Variants in TMEM62 observed in about 807,000 individuals in gnomAD.
TMEM62 encodes the protein transmembrane protein 62.
In TMEM62, 41 loss-of-function variants were observed where a neutral mutation model predicts 70.4. The observed-to-expected ratio is 0.58, with a 90% CI of 0.45 to 0.76. The LOEUF (loss-of-function observed/expected upper bound fraction) is 0.76, where lower values mean the gene tolerates loss of function less well. Among genes scored for constraint, TMEM62 ranks in the 30% least tolerant of loss-of-function variants. TMEM62 has a pLI of 0.00. For missense variants in TMEM62, 688 were observed against 788.5 expected (o/e 0.87, Z 1.53); for synonymous variants, 268 against 291.0 (o/e 0.92, Z 0.80).
chr15:43,149,024 G>C lies in TMEM62; in HGVS notation c.744-5G>C. 1 of 1,613,130 alleles carries C rather than the reference G, an allele frequency of 6.2e-7. No individual in the cohort carries two copies. On this transcript the variant is annotated splice_region_variant and splice_polypyrimidine_tract_variant and intron_variant, in intron 6 of 13. Coordinates refer to ENST00000260403, the MANE Select transcript of TMEM62 (RefSeq NM_024956.4). ...CATTTATTTCATTTATTTTTCATTG[G>C]TTAGTTCGGCTATAGCTTATTTGTG...
In TMEM62 at chr15:43,178,700, A is replaced by G. The variant is rs777271694; in HGVS notation, c.1475A>G (p.Tyr492Cys). ...FYYSVLLLTL[Y>C]TVLGPWFFGE... ...TATTCTGTGTTGTTGTTGACCCTGT[A>G]TACAGTGCTGGGTAAGTAAATTAGT... Residue 492 changes from tyrosine to cysteine, a missense_variant, in exon 12 of 14, where the codon TAT (tyrosine) becomes TGT (cysteine). Coordinates refer to ENST00000260403, the MANE Select transcript of TMEM62 (RefSeq NM_024956.4). 1.9e-6 allele frequency: 3 copies of G among 1,607,344 alleles called. No homozygotes were observed. Among genetic ancestry groups the G allele is most frequent in the Non-Finnish European group, 2.6e-6 (3 of 1,174,584 alleles).
At chr15:43,175,338 G>A (rs2040611476) in intron 11 of TMEM62, among the ~76,000 whole-genome samples, 1 of 152,146 alleles carries the variant, frequency 6.6e-6, no homozygotes, top group Non-Finnish European at 1.5e-5. Flanking sequence ...TGAATGTGCT[G>A]GTCTTTTAGC....
At chr15:43,161,741 A>G (rs898076385) in intron 10 of TMEM62, among the ~76,000 whole-genome samples, 1 of 151,986 alleles carries the variant, frequency 6.6e-6, no homozygotes, top group Non-Finnish European at 1.5e-5. Context: ...GCTCACTGCA[A>G]CCTCCACCTC....
At chr15:43,167,943 G>A (rs1050723027) in intron 10 of TMEM62, among the ~76,000 whole-genome samples, 14 of 152,104 alleles carry the variant, frequency 9.2e-5, no homozygotes, top group African/African-American at 3.1e-4. Flanking sequence ...CCAACACAGC[G>A]AAACCCCGTC....
chr15:43,153,819 G>A (rs75652495), intron 8 of TMEM62, among the ~76,000 whole-genome samples: 3,953 of 152,226 alleles, frequency 0.026, 163 homozygotes, highest in African/African-American at 0.088. Context: ...ACAGATAACG[G>A]TTCAAGTCCC....
intron 8 of TMEM62, among the ~76,000 whole-genome samples, chr15:43,153,294 C>T (rs2037633527): frequency 6.6e-6 from 1 of 151,920 alleles, no homozygotes; most frequent in Non-Finnish European, 1.5e-5. Context: ...TAAAATGTAC[C>T]ATTTTAACCA....
Position 43,133,759 on chromosome 15 carries a change from C to A in TMEM62, c.-44C>A, listed in dbSNP as rs369385047. On this transcript the variant is annotated 5_prime_UTR_variant, in exon 1 of 14. Transcript: ENST00000260403. ...GCGGCTCCCGGGAGCGCCGCGCGGT[C>A]CTGCGCGGGATCAGCGAGGGCCGCG... is the stretch of plus-strand genomic sequence containing the variant. 9.6e-5 allele frequency: 125 copies of A among 1,307,488 alleles called. 3 individuals are homozygous for A. The South Asian group carries it at 1.4e-3, about 15-fold the overall frequency. The allele number at this position is 1,307,488 out of a possible 1,614,324, so 81.0% of individuals were successfully genotyped here. A position where few individuals can be genotyped will look rare whatever the true frequency, so the allele number is the denominator to read the frequency against.
chr15:43,173,764 A>G (rs1012977885), intron 11 of TMEM62, among the ~76,000 whole-genome samples: 10 of 151,652 alleles, frequency 6.6e-5, no homozygotes, highest in African/African-American at 2.4e-4. Flanking sequence ...AATTAATTCT[A>G]TACTTAATTA....
In TMEM62 at chr15:43,133,629, G is replaced by A. The variant is rs1035508350; in HGVS notation, c.-174G>A. ...GGGCAGGTGCTGGGCGGCGGCTGAC[G>A]GGCGCAGCACCCTAGGCCCAGTGTC... On this transcript the variant is annotated 5_prime_UTR_variant, in exon 1 of 14. Transcript: ENST00000260403. 97 of 419,640 alleles carry A rather than the reference G, an allele frequency of 2.3e-4. No individual in the cohort carries two copies. The highest frequency in any genetic ancestry group is 1.9e-3 in the African/African-American group (93 of 48,676). 26.0% of individuals were successfully genotyped at this position (419,640 alleles called of 1,614,324 possible). A position where few individuals can be genotyped will look rare whatever the true frequency, so the allele number is the denominator to read the frequency against.
intron 4 of TMEM62, among the ~76,000 whole-genome samples, chr15:43,145,534 A>C (rs962320069): frequency 6.6e-6 from 1 of 152,200 alleles, no homozygotes; most frequent in Non-Finnish European, 1.5e-5. Flanking sequence ...AATACCAAGA[A>C]GAAAGGCAGT....
At chr15:43,144,993 T>A (rs2036479310) in intron 4 of TMEM62, among the ~76,000 whole-genome samples, 1 of 150,296 alleles carries the variant, frequency 6.7e-6, no homozygotes, top group South Asian at 2.1e-4. Flanking sequence ...AGAAAAAAAA[T>A]TAAAGTTAAA....
intron 9 of TMEM62, 154 bp from the exon 10 acceptor site, chr15:43,160,527 A>G (rs983778051): frequency 1.7e-6 from 1 of 573,976 alleles, no homozygotes; most frequent in Non-Finnish European, 3.1e-6. Context: ...CCTGGACAAC[A>G]GAGAGAAACC....
intron 10 of TMEM62, among the ~76,000 whole-genome samples, chr15:43,165,764 T>A (rs572724861): frequency 1.2e-3 from 173 of 150,402 alleles, no homozygotes; most frequent in Non-Finnish European, 1.8e-3. Context: ...AAATAAAAAA[T>A]AAATAAATAA....
At chr15:43,178,035 G>A (rs1311246504) in intron 11 of TMEM62, among the ~76,000 whole-genome samples, 1 of 151,708 alleles carries the variant, frequency 6.6e-6, no homozygotes, top group Non-Finnish European at 1.5e-5. Flanking sequence ...TAATGTATAG[G>A]AAAGGACCAT....
chr15:43,134,051 G>T lies in TMEM62; in HGVS notation c.180+69G>T, dbSNP rs929560433. ...GCACCGTGCGGTGGGACCCTTGCGG[G>T]TGTTGGGCCCCACGCTCCAGGCTGG... On this transcript the variant is annotated intron_variant, in intron 1 of 13. Transcript: ENST00000260403. 6 of 1,438,880 alleles carry T rather than the reference G, an allele frequency of 4.2e-6. No homozygotes were observed. The African/African-American group carries it at 7.2e-5, about 17-fold the overall frequency. 89.1% of individuals were successfully genotyped at this position (1,438,880 alleles called of 1,614,324 possible).
chr15:43,177,305 C>T (rs2040856503), intron 11 of TMEM62, among the ~76,000 whole-genome samples: 1 of 152,034 alleles, frequency 6.6e-6, no homozygotes, highest in African/African-American at 2.4e-5. Context: ...AATGAGATAC[C>T]ATCTCACACC....
chr15:43,140,462 C>A (rs2035848306), intron 4 of TMEM62, among the ~76,000 whole-genome samples: 1 of 152,080 alleles, frequency 6.6e-6, no homozygotes, highest in South Asian at 2.1e-4. Flanking sequence ...CATTGGGGTC[C>A]CCAAAGAGGT....
At chr15:43,145,139 A>G (rs1166821549) in intron 4 of TMEM62, among the ~76,000 whole-genome samples, 2 of 151,244 alleles carry the variant, frequency 1.3e-5, no homozygotes, top group Non-Finnish European at 1.5e-5. Context: ...GAATAACTGA[A>G]CATAAAATAA....
rs561179108 is a variant in TMEM62, at chr15:43,175,545, C to T, written c.1382-3062C>T. 7.9e-5 allele frequency among the ~76,000 whole-genome samples: 12 copies of T among 152,258 alleles called. No homozygotes were observed. In the South Asian group the frequency reaches 1.7e-3, roughly 21 times the overall value. ...GATCTGTGGTACTGTAGACTGTGGC[C>T]GCAGAATGGAGCTTCTCTGAGTCAA... On this transcript the variant is annotated intron_variant, in intron 11 of 13. Coordinates refer to ENST00000260403, the MANE Select transcript of TMEM62 (RefSeq NM_024956.4).
Sources: gnomAD v4.1 joint callset for allele counts (sites outside exome capture counted in the v4.1 genomes callset) on GRCh38, gnomAD v4.1.1 for gene constraint, MANE v1.5 for transcripts, NCBI Gene and HGNC (gene_info 2026-07-23, HGNC 2026-07-21) for gene names.